CHD6: variants seen among roughly 807,000 people sequenced by gnomAD.
The protein encoded by CHD6 is ATP-dependent chromatin remodeler CHD6.
A neutral mutation model predicts 276.9 loss-of-function variants in CHD6; 50 were observed. The observed-to-expected ratio is 0.18, with a 90% CI of 0.14 to 0.23. CHD6 has a LOEUF of 0.23. CHD6 is among the 10% of genes least tolerant of loss of function. The probability of loss-of-function intolerance (pLI) is 1.00; values close to 1 mark genes in which losing one functional copy is unlikely to be tolerated. For missense variants in CHD6, 2,564 were observed against 3,365.8 expected (o/e 0.76, Z 5.89); for synonymous variants, 1,173 against 1,229.3 (o/e 0.95, Z 0.96).
chr20:41,510,105 T>C (rs1283378095), intron 5 of CHD6, among the ~76,000 whole-genome samples: 1 of 152,118 alleles, frequency 6.6e-6, no homozygotes, highest in Non-Finnish European at 1.5e-5. Context: ...GAGCTAAAGC[T>C]AGCAGGCAGG....
At chr20:41,476,903 C>T (rs141048195) in intron 16 of CHD6, among the ~76,000 whole-genome samples, 11 of 151,832 alleles carry the variant, frequency 7.2e-5, no homozygotes, top group African/African-American at 2.7e-4. Flanking sequence ...TCTATACATA[C>T]ACACACATTT....
intron 2 of CHD6, among the ~76,000 whole-genome samples, chr20:41,544,941 T>G (rs1329902665): frequency 1.3e-5 from 2 of 152,148 alleles, no homozygotes; most frequent in African/African-American, 4.8e-5. Context: ...GATGGGCCTC[T>G]GAGGTCGAGT....
At chr20:41,589,149 C>G (rs1490273355) in intron 1 of CHD6, among the ~76,000 whole-genome samples, 3 of 152,192 alleles carry the variant, frequency 2.0e-5, no homozygotes, top group African/African-American at 7.2e-5. Flanking sequence ...CAGAAAAGGT[C>G]TTCGACAAAA....
At chr20:41,442,389 C>T (rs1432913612) in intron 25 of CHD6, among the ~76,000 whole-genome samples, 2 of 152,106 alleles carry the variant, frequency 1.3e-5, no homozygotes, top group Admixed American at 6.6e-5. Flanking sequence ...GAGTTCAAGG[C>T]TACAGTGAGC....
In CHD6 at chr20:41,415,476, T is replaced by C. The variant is rs750214708; in HGVS notation, c.6649A>G (p.Met2217Val). 5.6e-5 allele frequency: 90 copies of C among 1,613,430 alleles called. No homozygotes were observed. The highest frequency in any genetic ancestry group is 1.6e-4 in the Middle Eastern group (1 of 6,082). Reference protein sequence around the residue: ...ILNGWHGESAMDLSCSSEGSP... With the variant: ...ILNGWHGESAVDLSCSSEGSP... ...CCCTCTGATGAGCAGGAGAGGTCCA[T>C]AGCTGACTCCCCATGCCAGCCATTG... The change falls in exon 34 of 37, where the codon ATG (methionine) becomes GTG (valine). Residue 2217 changes from methionine to valine, a missense_variant. Coordinates refer to ENST00000373233, the MANE Select transcript of CHD6 (RefSeq NM_032221.5).
At chr20:41,596,670 C>T (rs920592438) in intron 1 of CHD6, among the ~76,000 whole-genome samples, 8 of 151,224 alleles carry the variant, frequency 5.3e-5, no homozygotes, top group African/African-American at 1.9e-4. Context: ...AAAGTATTTC[C>T]CGAGCATTTA....
chr20:41,585,195 C>A (rs982522720), intron 1 of CHD6, among the ~76,000 whole-genome samples: 1 of 152,018 alleles, frequency 6.6e-6, no homozygotes, highest in Non-Finnish European at 1.5e-5. Context: ...TGAAAGCTAC[C>A]GAAGCTCACT....
rs1456940910 is a variant in CHD6 at position 41,413,481 on chromosome 20, C to T, written c.6974G>A (p.Ser2325Asn). ...VHEDPGQATL[S>N]TTHPEGPGPA... Reference sequence around the variant, plus strand: ...CCCTGGCCCCTCAGGGTGTGTGGTGCTCAAGGTGGCCTGCCCTGGGTCTTC... The same window carrying T: ...CCCTGGCCCCTCAGGGTGTGTGGTGTTCAAGGTGGCCTGCCCTGGGTCTTC... Residue 2325 changes from serine to asparagine, a missense_variant, in exon 35 of 37, where the codon AGC becomes AAC. Physicochemically the swap from Ser to Asn is conservative, Grantham distance 46. Transcript: ENST00000373233. 1.2e-6 allele frequency: 2 copies of T among 1,600,106 alleles called. No homozygotes were observed. The highest frequency in any genetic ancestry group is 8.5e-7 in the Non-Finnish European group (1 of 1,173,556).
At chr20:41,573,399 T>A (rs1197036546) in intron 1 of CHD6, among the ~76,000 whole-genome samples, 1 of 152,216 alleles carries the variant, frequency 6.6e-6, no homozygotes, top group Non-Finnish European at 1.5e-5. Context: ...GAACTACCCA[T>A]TTTATGCAAC....
At chr20:41,453,366 T>C (rs2048297939) in intron 20 of CHD6, among the ~76,000 whole-genome samples, 1 of 152,172 alleles carries the variant, frequency 6.6e-6, no homozygotes, top group Non-Finnish European at 1.5e-5. Flanking sequence ...GCTCAGCAAC[T>C]TTCTGAAGAC....
intron 1 of CHD6, among the ~76,000 whole-genome samples, chr20:41,553,184 TAAAGA>T (rs993474975): frequency 2.6e-5 from 4 of 152,084 alleles, no homozygotes; most frequent in African/African-American, 9.7e-5. Context: ...AAGTCAAAAA[TAAAGA>T]AGTTTGGGGG....
At chr20:41,500,823 G>A (rs1367739084) in intron 5 of CHD6, among the ~76,000 whole-genome samples, 2 of 152,024 alleles carry the variant, frequency 1.3e-5, no homozygotes, top group Non-Finnish European at 2.9e-5. Flanking sequence ...ACAAGCAAGA[G>A]GAAAAGAAAG....
intron 1 of CHD6, among the ~76,000 whole-genome samples, chr20:41,576,714 C>T (rs2045478131): frequency 6.6e-6 from 1 of 152,198 alleles, no homozygotes; most frequent in Admixed American, 6.5e-5. Context: ...GACTCAAACA[C>T]ACAAGATGAG....
intron 4 of CHD6, 90 bp from the exon 5 acceptor site, chr20:41,513,085 C>T: frequency 7.3e-7 from 1 of 1,361,274 alleles, no homozygotes; most frequent in Admixed American, 1.9e-5. Flanking sequence ...TACTAACATG[C>T]CAAGGAGTGC....
chr20:41,602,118 C>A (rs2045779314), intron 1 of CHD6, among the ~76,000 whole-genome samples: 1 of 152,186 alleles, frequency 6.6e-6, no homozygotes, highest in South Asian at 2.1e-4. Flanking sequence ...GCTCTATCTC[C>A]TTTTGGTTAG....
intron 3 of CHD6, among the ~76,000 whole-genome samples, chr20:41,530,435 A>G (rs111696855): frequency 4.6e-5 from 7 of 152,196 alleles, no homozygotes; most frequent in Admixed American, 4.6e-4. Flanking sequence ...TATAACCATC[A>G]AGTATTACCA....
intron 17 of CHD6, among the ~76,000 whole-genome samples, chr20:41,469,516 CAAA>C (rs1019586415): frequency 1.3e-5 from 2 of 152,288 alleles, no homozygotes. Context: ...AGAAAGAAGA[CAAA>C]AACCCAGTTT....
intron 16 of CHD6, among the ~76,000 whole-genome samples, chr20:41,477,637 T>G (rs1365092675): frequency 2.0e-5 from 3 of 152,174 alleles, no homozygotes; most frequent in Non-Finnish European, 4.4e-5. Flanking sequence ...GTATAATCCC[T>G]TCCCCAATTA....
At chr20:41,577,596 G>A (rs935316903) in intron 1 of CHD6, among the ~76,000 whole-genome samples, 1 of 152,216 alleles carries the variant, frequency 6.6e-6, no homozygotes, top group South Asian at 2.1e-4. Flanking sequence ...CATGTAGTGT[G>A]TGTGTGTCTA....
Sources: allele counts gnomAD v4.1 joint callset (sites outside exome capture counted in the v4.1 genomes callset), GRCh38; gene constraint gnomAD v4.1.1; transcripts MANE v1.5; gene names NCBI Gene and HGNC (gene_info 2026-07-23, HGNC 2026-07-21).